The following CLIP1 variants were observed in gnomAD, a reference collection of about 807,000 sequenced individuals.
CLIP1 encodes CAP-Gly domain containing linker protein 1.
In CLIP1, 66 loss-of-function variants were observed where a neutral mutation model predicts 161.6. That is an observed-to-expected ratio of 0.41 (90% CI 0.33 to 0.50). The LOEUF (loss-of-function observed/expected upper bound fraction) is 0.50, where lower values mean the gene tolerates loss of function less well. Among genes scored for constraint, CLIP1 ranks in the 20% least tolerant of loss-of-function variants. The probability of loss-of-function intolerance (pLI) is 0.27; values close to 1 mark genes in which losing one functional copy is unlikely to be tolerated. For missense variants in CLIP1, 1,376 were observed against 1,702.0 expected, an observed-to-expected ratio of 0.81 and a Z score of 3.37; for synonymous variants, 598 against 626.2, an observed-to-expected ratio of 0.96 and a Z score of 0.67.
At chr12:122,388,312 C>T (rs1438386246) in intron 1 of CLIP1, among the ~76,000 whole-genome samples, 3 of 152,100 alleles carry the variant, frequency 2.0e-5, no homozygotes, top group Admixed American at 1.3e-4. Context: ...CTCCGCCTCC[C>T]GGGTTCAGGC....
Position 122,324,980 on chromosome 12 carries a change from T to A in CLIP1, c.3249+2967A>T, listed in dbSNP as rs185309525. Among the ~76,000 whole-genome samples the A allele has an allele frequency of 2.3e-3, 356 of 152,108 alleles. 11 individuals are homozygous for A. The highest frequency in any genetic ancestry group is 0.02 in the Admixed American group (299 of 15,280). On this transcript the variant is annotated intron_variant, in intron 17 of 25. Coordinates refer to ENST00000620786, the MANE Select transcript of CLIP1 (RefSeq NM_001247997.2). ...ACTAAAAGGAATAGTTTTTTTTTTT[T>A]ATTTACTGAATTATAAGATAATTTG...
chr12:122,383,519 G>C (rs1437936239), intron 1 of CLIP1, among the ~76,000 whole-genome samples: 5 of 152,150 alleles, frequency 3.3e-5, no homozygotes, highest in Non-Finnish European at 5.9e-5. Flanking sequence ...TCATGCCTCT[G>C]GTTGTCGGTC....
intron 20 of CLIP1, among the ~76,000 whole-genome samples, chr12:122,291,212 CAG>C (rs1361771864): frequency 2.7e-5 from 4 of 148,882 alleles, no homozygotes; most frequent in Non-Finnish European, 5.9e-5. Flanking sequence ...TTTTTTGAGA[CAG>C]AGTCTCACTC....
At chr12:122,278,704 G>A (rs1955529235) in intron 23 of CLIP1, 88 bp downstream of exon 23, 1 of 1,359,136 alleles carries the variant, frequency 7.4e-7, no homozygotes, top group African/African-American at 1.5e-5. Context: ...GGCAGCATGA[G>A]AGCTGTCTTC....
At chr12:122,400,254 T>C (rs895696262) in intron 1 of CLIP1, 3 of 151,838 alleles carry the variant, frequency 2.0e-5, no homozygotes, top group African/African-American at 7.3e-5. Flanking sequence ...CTGAAAAAGA[T>C]AAATAAGATT....
At chr12:122,278,375 C>A in intron 23 of CLIP1, 172 bp from the exon 24 acceptor site, 1 of 657,560 alleles carries the variant, frequency 1.5e-6, no homozygotes, top group Non-Finnish European at 2.6e-6. Flanking sequence ...CCTTGCGGGA[C>A]CCTACAGGGT....
At chr12:122,289,006 C>T (rs1439150937) in intron 20 of CLIP1, among the ~76,000 whole-genome samples, 4 of 150,888 alleles carry the variant, frequency 2.7e-5, no homozygotes, top group Non-Finnish European at 4.4e-5. Context: ...TTAGTAGAGA[C>T]GGGTTTTCAC....
At chr12:122,418,304 C>T (rs1956823354) in intron 1 of CLIP1, among the ~76,000 whole-genome samples, 1 of 152,132 alleles carries the variant, frequency 6.6e-6, no homozygotes, top group African/African-American at 2.4e-5. Context: ...CATAGCTCAT[C>T]AAGCTGCCTT....
intron 1 of CLIP1, among the ~76,000 whole-genome samples, chr12:122,385,911 G>T (rs1954181087): frequency 1.3e-5 from 2 of 152,082 alleles, no homozygotes; most frequent in South Asian, 4.1e-4. Context: ...CAGAGAAGAG[G>T]CTGGTGATAG....
chr12:122,319,123 G>A (rs1951383463), intron 18 of CLIP1, 109 bp downstream of exon 18: 2 of 743,294 alleles, frequency 2.7e-6, no homozygotes, highest in Non-Finnish European at 4.8e-6. Context: ...TTTCAAACCT[G>A]TGTAAAGTCA....
rs1396545022 is a variant in CLIP1 at position 122,272,776 on chromosome 12, T to C, written c.*99A>G. 1 of 1,044,512 alleles carries C rather than the reference T, an allele frequency of 9.6e-7. No individual in the cohort carries two copies. The highest frequency in any genetic ancestry group is 1.5e-6 in the Non-Finnish European group (1 of 689,448). The allele number at this position is 1,044,512 out of a possible 1,614,324, so 64.7% of individuals were successfully genotyped here. On this transcript the variant is annotated 3_prime_UTR_variant, in exon 26 of 26. Coordinates refer to ENST00000620786, the MANE Select transcript of CLIP1 (RefSeq NM_001247997.2). ...TAGATTTGTTGACGGGGTTAAAAAATAACATGAGTTCTCCTGAAGTCTGCA... is the reference window on the plus strand; with the variant it reads ...TAGATTTGTTGACGGGGTTAAAAAACAACATGAGTTCTCCTGAAGTCTGCA...
chr12:122,306,926 C>A (rs1197917134), intron 20 of CLIP1, among the ~76,000 whole-genome samples: 1 of 149,200 alleles, frequency 6.7e-6, no homozygotes, highest in African/African-American at 2.5e-5. Flanking sequence ...AGCAGCTGGA[C>A]AAACAGGCTT....
chr12:122,299,612 C>CAAAAAAAGAAAAAAAAAA (rs1950601356), intron 20 of CLIP1, among the ~76,000 whole-genome samples: 1 of 62,500 alleles, frequency 1.6e-5, no homozygotes, highest in African/African-American at 7.0e-5. Context: ...ATAAATTCAG[C>CAAAAAAAGAAAAAAAAAA]AAAAAAAAAA....
Position 122,400,423 on chromosome 12 carries a change from G to T in CLIP1, c.-106-19865C>A, listed in dbSNP as rs575911753. 4 of 152,252 alleles carry T rather than the reference G, an allele frequency of 2.6e-5. No homozygotes were observed. The East Asian group carries it at 7.7e-4, about 29-fold the overall frequency. 9.4% of individuals were successfully genotyped at this position (152,252 alleles called of 1,614,324 possible). On this transcript the variant is annotated intron_variant, in intron 1 of 25. Coordinates refer to ENST00000620786, the MANE Select transcript of CLIP1 (RefSeq NM_001247997.2). ...GGCTGAACTGAGCTTAAGGTCCTTG[G>T]ACGGGCTTCATTTCCCACGTACTGG... is the stretch of plus-strand genomic sequence containing the variant.
intron 5 of CLIP1, among the ~76,000 whole-genome samples, chr12:122,357,880 C>A (rs1301484694): frequency 6.6e-6 from 1 of 151,806 alleles, no homozygotes; most frequent in African/African-American, 2.4e-5. Context: ...TCTGCTCGGC[C>A]GCCCCTACTG....
intron 1 of CLIP1, among the ~76,000 whole-genome samples, chr12:122,387,581 TA>T (rs1955369516): frequency 2.9e-3 from 13 of 4,506 alleles, no homozygotes; most frequent in Non-Finnish European, 6.1e-3. Context: ...TATATATATA[TA>T]TATATATATT....
intron 15 of CLIP1, among the ~76,000 whole-genome samples, chr12:122,328,872 T>C (rs2136241090): frequency 1.3e-5 from 2 of 152,304 alleles, no homozygotes; most frequent in Middle Eastern, 6.8e-3. Flanking sequence ...TGAGCCACCA[T>C]GCCTGGGCAC....
intron 24 of CLIP1, 145 bp downstream of exon 24, chr12:122,278,009 G>T: frequency 9.6e-6 from 7 of 731,884 alleles, no homozygotes; most frequent in Non-Finnish European, 1.6e-5. Context: ...TTTTAATTCT[G>T]TTTAATGTTT....
At chr12:122,335,017 T>G (rs767697449) in intron 12 of CLIP1, among the ~76,000 whole-genome samples, 4 of 152,198 alleles carry the variant, frequency 2.6e-5, no homozygotes, top group Non-Finnish European at 5.9e-5. Flanking sequence ...AGGGTGCACG[T>G]GCATGCTTCA....
Sources: gnomAD v4.1 joint callset for allele counts (sites outside exome capture counted in the v4.1 genomes callset) on GRCh38, gnomAD v4.1.1 for gene constraint, MANE v1.5 for transcripts, NCBI Gene and HGNC (gene_info 2026-07-23, HGNC 2026-07-21) for gene names.